Variants in TMEM108 observed in about 807,000 individuals in gnomAD.
The protein encoded by TMEM108 is cancer/testis antigen 124.
A neutral mutation model predicts 35.1 loss-of-function variants in TMEM108; 12 were observed. The ratio of observed to expected loss-of-function variants is 0.34; its 90% CI spans 0.22 to 0.55. The LOEUF is 0.55. Among genes scored for constraint, TMEM108 ranks in the 20% least tolerant of loss-of-function variants. The pLI is 0.89. For missense variants in TMEM108, 680 were observed against 753.3 expected, an observed-to-expected ratio of 0.90 and a Z score of 1.14; for synonymous variants, 287 against 308.6, an observed-to-expected ratio of 0.93 and a Z score of 0.73.
chr3:133,340,162 T>G (rs1314765847), intron 3 of TMEM108, among the ~76,000 whole-genome samples: 12 of 61,738 alleles, frequency 1.9e-4, no homozygotes, highest in East Asian at 1.5e-3. Flanking sequence ...CAAAAAGTTG[T>G]TTTTTTTTGA....
chr3:133,085,581 G>T (rs549008681), intron 2 of TMEM108, among the ~76,000 whole-genome samples: 1 of 152,116 alleles, frequency 6.6e-6, no homozygotes, highest in South Asian at 2.1e-4. Context: ...ATCAATTATA[G>T]TCATTATTAT....
chr3:133,170,498 G>A (rs1175631013), intron 2 of TMEM108, among the ~76,000 whole-genome samples: 1 of 152,032 alleles, frequency 6.6e-6, no homozygotes, highest in Non-Finnish European at 1.5e-5. Flanking sequence ...AGTAAAATGT[G>A]GTAACAAAAT....
chr3:133,269,535 A>G (rs1003214425), intron 3 of TMEM108, among the ~76,000 whole-genome samples: 9 of 152,184 alleles, frequency 5.9e-5, no homozygotes, highest in Admixed American at 3.3e-4. Flanking sequence ...AAATGGCTTC[A>G]TTGGCATATG....
At chr3:133,317,813 T>G (rs1243803713) in intron 3 of TMEM108, among the ~76,000 whole-genome samples, 1 of 152,220 alleles carries the variant, frequency 6.6e-6, no homozygotes, top group African/African-American at 2.4e-5. Flanking sequence ...CTCGTGGTAC[T>G]GATATTCTAG....
chr3:133,222,193 T>A (rs12637903), intron 2 of TMEM108, among the ~76,000 whole-genome samples: 5 of 151,728 alleles, frequency 3.3e-5, no homozygotes, highest in Non-Finnish European at 5.9e-5. Flanking sequence ...GTTTCAGGGG[T>A]TTTTTTGGCA....
chr3:133,355,578 T>G (rs1295020682), intron 3 of TMEM108, among the ~76,000 whole-genome samples: 1 of 152,202 alleles, frequency 6.6e-6, no homozygotes, highest in Non-Finnish European at 1.5e-5. Context: ...GGCCAGGAAT[T>G]TGATATTCAT....
Position 133,379,922 on chromosome 3 carries a change from G to A in TMEM108, c.211G>A (p.Asp71Asn), listed in dbSNP as rs372281436. ...TSVVMLTPNP[D>N]GPPSQAAAPM... ...TGTGGTGATGCTGACCCCCAATCCC[G>A]ATGGACCCCCCTCACAGGCTGCAGC... The change falls in exon 4 of 6, where the codon GAT becomes AAT. Residue 71 changes from aspartate to asparagine, a missense_variant. By Grantham distance (23) the Asp-to-Asn change is conservative. Coordinates refer to ENST00000321871, the MANE Select transcript of TMEM108 (RefSeq NM_023943.4). 21 of 1,612,862 alleles carry A rather than the reference G, an allele frequency of 1.3e-5. No individual in the cohort carries two copies. Among genetic ancestry groups the A allele is most frequent in the South Asian group, 5.5e-5 (5 of 91,014 alleles).
chr3:133,311,681 T>C (rs1033907072), intron 3 of TMEM108, among the ~76,000 whole-genome samples: 6 of 152,194 alleles, frequency 3.9e-5, no homozygotes, highest in Non-Finnish European at 8.8e-5. Flanking sequence ...TCAGAGAAGT[T>C]TATTACCAAC....
At chr3:133,151,573 AG>A (rs1944801478) in intron 2 of TMEM108, among the ~76,000 whole-genome samples, 1 of 152,090 alleles carries the variant, frequency 6.6e-6, no homozygotes, top group Non-Finnish European at 1.5e-5. Flanking sequence ...TTAGAAGAGG[AG>A]GAACTCGAGG....
In TMEM108 at chr3:133,073,484, T is replaced by TTCTCTCTCTC. The variant is rs371623398; in HGVS notation, c.-47+27482_-47+27491dup. Among the ~76,000 whole-genome samples the TTCTCTCTCTC allele has an allele frequency of 2.9e-3, 159 of 55,592 alleles. 3 individuals are homozygous for TTCTCTCTCTC. The highest frequency in any genetic ancestry group is 8.9e-3 in the African/African-American group (81 of 9,148). 36.5% of individuals were successfully genotyped at this position (55,592 alleles called of 152,430 possible). ...TTTTTTAAGGCTGAATAGTATTCTA[T>TTCTCTCTCTC]TCTCTCTCTCTCTCTCTCTCTCTCT... On this transcript the variant is annotated intron_variant, in intron 2 of 5. Coordinates refer to ENST00000321871, the MANE Select transcript of TMEM108 (RefSeq NM_023943.4).
chr3:133,045,998 G>T lies in TMEM108; in HGVS notation c.-69G>T, dbSNP rs1007743387. 4 of 152,596 alleles carry T rather than the reference G, an allele frequency of 2.6e-5. No homozygotes were observed. Among genetic ancestry groups the T allele is most frequent in the African/African-American group, 4.8e-5 (2 of 41,416 alleles). The allele number at this position is 152,596 out of a possible 1,614,324, so 9.5% of individuals were successfully genotyped here. ...CATGAGGATGTAAGTGCGTTTGAAGGCTTCCACACCCTCTACTCCAGGGTA... is the reference window on the plus strand; with the variant it reads ...CATGAGGATGTAAGTGCGTTTGAAGTCTTCCACACCCTCTACTCCAGGGTA... On this transcript the variant is annotated 5_prime_UTR_variant, in exon 2 of 6. Coordinates refer to ENST00000321871, the MANE Select transcript of TMEM108 (RefSeq NM_023943.4).
chr3:133,292,109 G>GT (rs1947078077), intron 3 of TMEM108, among the ~76,000 whole-genome samples: 2 of 152,182 alleles, frequency 1.3e-5, no homozygotes, highest in African/African-American at 4.8e-5. Context: ...AAAACACTTT[G>GT]TGGGAACCTT....
At chr3:133,098,863 C>T (rs4582060) in intron 2 of TMEM108, among the ~76,000 whole-genome samples, 15 of 152,178 alleles carry the variant, frequency 9.9e-5, no homozygotes, top group African/African-American at 1.4e-4. Flanking sequence ...GATGCTTTCA[C>T]GGGCTGGCGT....
intron 3 of TMEM108, among the ~76,000 whole-genome samples, chr3:133,245,499 G>GTC (rs1946373170): frequency 6.6e-6 from 1 of 152,136 alleles, no homozygotes; most frequent in Non-Finnish European, 1.5e-5. Flanking sequence ...ACATCACCCA[G>GTC]TCTCTCTCCA....
chr3:133,315,179 A>G (rs2071181914), intron 3 of TMEM108, among the ~76,000 whole-genome samples: 1 of 152,214 alleles, frequency 6.6e-6, no homozygotes, highest in South Asian at 2.1e-4. Flanking sequence ...CTATTATTCT[A>G]CTGAAGAAAG....
intron 3 of TMEM108, among the ~76,000 whole-genome samples, chr3:133,277,989 A>G (rs974189265): frequency 2.0e-5 from 3 of 152,226 alleles, no homozygotes; most frequent in Non-Finnish European, 4.4e-5. Context: ...AGTATTTCCA[A>G]GCATGATTCA....
intron 3 of TMEM108, among the ~76,000 whole-genome samples, chr3:133,282,569 T>C (rs1946929885): frequency 6.6e-6 from 1 of 152,242 alleles, no homozygotes; most frequent in African/African-American, 2.4e-5. Context: ...CATGGATGTT[T>C]AATTCAAGTT....
At chr3:133,302,158 G>A (rs1364564303) in intron 3 of TMEM108, among the ~76,000 whole-genome samples, 2 of 152,118 alleles carry the variant, frequency 1.3e-5, no homozygotes, top group Non-Finnish European at 2.9e-5. Context: ...CCATGATCTT[G>A]CCATTTTTGT....
At chr3:133,387,420 G>A (rs773435020) in intron 4 of TMEM108, 64 of 985,366 alleles carry the variant, frequency 6.5e-5, no homozygotes, top group Non-Finnish European at 7.2e-5. Context: ...CAGGCCAGGA[G>A]CATGAACATG....
Sources: gnomAD v4.1 joint callset for allele counts (sites outside exome capture counted in the v4.1 genomes callset) on GRCh38, gnomAD v4.1.1 for gene constraint, MANE v1.5 for transcripts, NCBI Gene and HGNC (gene_info 2026-07-23, HGNC 2026-07-21) for gene names.